The following CFI variants were observed in gnomAD, a reference collection of about 807,000 sequenced individuals.
The protein encoded by CFI is complement factor I.
Under a neutral mutation model 78.8 loss-of-function variants are expected in CFI, and 66 were observed. The ratio of observed to expected loss-of-function variants is 0.84; its 90% CI spans 0.69 to 1.03. The LOEUF (loss-of-function observed/expected upper bound fraction) is 1.03, where lower values mean the gene tolerates loss of function less well. CFI is among the 50% of genes least tolerant of loss of function. CFI has a pLI of 0.00. For missense variants in CFI, 706 were observed against 704.5 expected (o/e 1.00, Z -0.02); for synonymous variants, 250 against 232.6 (o/e 1.07, Z -0.68).
downstream of CFI, among the ~76,000 whole-genome samples, chr4:109,736,592 TG>T (rs1723380965): frequency 6.6e-6 from 1 of 152,020 alleles, no homozygotes; most frequent in African/African-American, 2.4e-5. Flanking sequence ...TTGGGTATGG[TG>T]GGGGGTCTAC....
Position 109,749,246 on chromosome 4 carries a change from A to G in CFI, c.1120T>C (p.Trp374Arg), listed in dbSNP as rs1724838563. Residue 374 changes from tryptophan to arginine, a missense_variant, in exon 10 of 13, where the codon TGG (tryptophan) becomes CGG (arginine). Transcript: ENST00000394634. ...TCGGIYIGGC[W>R]ILTAAHCLRA... The stretch of plus-strand genomic sequence containing the variant: ...AGACAATGTGCAGCAGTCAGAATCC[A>G]ACAGCCACCAATATAAATTCCCCCA... 1 of 1,614,192 alleles carries G rather than the reference A, an allele frequency of 6.2e-7. No individual in the cohort carries two copies. Among genetic ancestry groups the G allele is most frequent in the Admixed American group, 1.7e-5 (1 of 60,020 alleles).
intron 8 of CFI, among the ~76,000 whole-genome samples, chr4:109,751,197 A>G (rs1725088869): frequency 1.3e-5 from 2 of 152,150 alleles, no homozygotes; most frequent in Non-Finnish European, 2.9e-5. Context: ...GAACCTGCCC[A>G]CTGTGAAACA....
rs879255340 is a variant in CFI at position 109,766,802 on chromosome 4, T to G, written c.80A>C (p.Asp27Ala). Residue 27 changes from aspartate (D) to alanine (A), a missense_variant, in exon 2 of 13, where the codon GAT becomes GCT. Physicochemically the swap from Asp to Ala is moderately radical, Grantham distance 126 (BLOSUM62 -2). Coordinates refer to ENST00000394634, the MANE Select transcript of CFI (RefSeq NM_000204.5). ...TGCTAAGCACTTTTTCTCCACCAGATCCTCTTGAGATGTATAAGTGACCTG... is the reference window on the plus strand; with the variant it reads ...TGCTAAGCACTTTTTCTCCACCAGAGCCTCTTGAGATGTATAAGTGACCTG... The part of the protein sequence containing the change: ...FCKVTYTSQE[D>A]LVEKKCLAKK... The G allele has an allele frequency of 3.7e-6, 6 of 1,614,032 alleles. No individual in the cohort carries two copies. Among genetic ancestry groups the G allele is most frequent in the Non-Finnish European group, 4.2e-6 (5 of 1,180,034 alleles).
intron 1 of CFI, among the ~76,000 whole-genome samples, chr4:109,786,472 C>T (rs1456317617): frequency 1.3e-5 from 2 of 152,120 alleles, no homozygotes; most frequent in East Asian, 3.9e-4. Flanking sequence ...AAAACAACCT[C>T]CTTTTTCTAG....
At chr4:109,742,671 A>G (rs968329860) in intron 11 of CFI, 76 bp from the exon 12 acceptor site, 4 of 937,536 alleles carry the variant, frequency 4.3e-6, no homozygotes, top group Non-Finnish European at 7.0e-6. Context: ...AACTTAAACC[A>G]TTGGGATTAT....
intron 11 of CFI, among the ~76,000 whole-genome samples, chr4:109,744,821 T>C (rs760125479): frequency 6.6e-6 from 1 of 152,086 alleles, no homozygotes. Context: ...ACTGTGAAAA[T>C]TGGATGATGG....
downstream of CFI, among the ~76,000 whole-genome samples, chr4:109,737,649 G>A (rs1013244052): frequency 2.0e-5 from 3 of 152,206 alleles, no homozygotes; most frequent in East Asian, 1.9e-4. Flanking sequence ...CAAGCTGTAC[G>A]TGGAGACTGG....
the CFI span, among the ~76,000 whole-genome samples, chr4:109,735,565 A>T: frequency 6.6e-6 from 1 of 152,224 alleles, no homozygotes; most frequent in African/African-American, 2.4e-5. Context: ...TAATGGCCTC[A>T]GCAGTGTTGT....
At position 109,760,647 on chromosome 4, in the gene CFI, G is replaced by A. The variant is rs1274674751; in HGVS notation, c.659-11C>T. 6.9e-7 allele frequency: 1 copy of A among 1,458,650 alleles called. No individual in the cohort carries two copies. The highest frequency in any genetic ancestry group is 9.6e-7 in the Non-Finnish European group (1 of 1,038,486). 90.4% of individuals were successfully genotyped at this position (1,458,650 alleles called of 1,614,324 possible). The stretch of plus-strand genomic sequence containing the variant: ...CATCCATTGGAGAATCTGTAAAGCA[G>A]GAATTATCTTTGTGAAATTTATTTA... On this transcript the variant is annotated splice_polypyrimidine_tract_variant and intron_variant, in intron 4 of 12. Coordinates refer to ENST00000394634, the MANE Select transcript of CFI (RefSeq NM_000204.5).
At chr4:109,796,253 A>C (rs898463482) in intron 1 of CFI, among the ~76,000 whole-genome samples, 4 of 152,192 alleles carry the variant, frequency 2.6e-5, no homozygotes, top group African/African-American at 7.2e-5. Flanking sequence ...AAAAAACCCC[A>C]AAACCACTGC....
At chr4:109,796,858 A>G (rs1171868863) in intron 1 of CFI, among the ~76,000 whole-genome samples, 2 of 152,232 alleles carry the variant, frequency 1.3e-5, no homozygotes, top group African/African-American at 4.8e-5. Flanking sequence ...TTAGAAATAA[A>G]TTTAACCAAC....
At chr4:109,756,440 AAGGAGGAGGAGGAGGAAG>A (rs1561296940) in intron 7 of CFI, among the ~76,000 whole-genome samples, 1 of 150,806 alleles carries the variant, frequency 6.6e-6, no homozygotes, top group East Asian at 2.0e-4. Context: ...GAAGAGGAAG[AAGGAGGAGGAGGAGGAAG>A]AGGAGGAGGA....
chr4:109,756,581 T>G lies in CFI; in HGVS notation c.904+1182A>C, dbSNP rs375199731. ...CCAGTCCCTCAGGAATCCTAAGAAA[T>G]CCTGAGGAGGTGGCTCACGCCTGTA... is the stretch of plus-strand genomic sequence containing the variant. On this transcript the variant is annotated intron_variant, in intron 7 of 12. Transcript: ENST00000394634. Among the ~76,000 whole-genome samples, 14 of 151,546 alleles carry G rather than the reference T, an allele frequency of 9.2e-5. No homozygotes were observed. The East Asian group carries it at 2.4e-3, about 26-fold the overall frequency.
intron 1 of CFI, among the ~76,000 whole-genome samples, chr4:109,772,863 T>C (rs541194004): frequency 3.9e-5 from 6 of 152,172 alleles, no homozygotes; most frequent in Non-Finnish European, 1.5e-5. Context: ...GGATTACAGA[T>C]GTGTGCCACC....
intron 7 of CFI, among the ~76,000 whole-genome samples, chr4:109,753,411 TATA>T (rs1561293341): frequency 0.062 from 264 of 4,278 alleles, 35 homozygotes; most frequent in Non-Finnish European, 0.46. Flanking sequence ...ATATTTATTA[TATA>T]AATAAATATT....
At chr4:109,765,238 T>C (rs1298308652) in intron 2 of CFI, among the ~76,000 whole-genome samples, 1 of 152,200 alleles carries the variant, frequency 6.6e-6, no homozygotes, top group East Asian at 1.9e-4. Flanking sequence ...CCACAGTATC[T>C]CAACATCTTA....
chr4:109,776,583 C>T (rs1163870163), intron 1 of CFI, among the ~76,000 whole-genome samples: 1 of 152,222 alleles, frequency 6.6e-6, no homozygotes, highest in Admixed American at 6.5e-5. Flanking sequence ...CCCAACCTAG[C>T]AAGGCAGGCC....
At chr4:109,777,583 A>C (rs1274523148) in intron 1 of CFI, among the ~76,000 whole-genome samples, 1 of 152,134 alleles carries the variant, frequency 6.6e-6, no homozygotes. Context: ...TGAGACAGAA[A>C]GTTAACAAGG....
chr4:109,798,879 A>G (rs75828845), intron 1 of CFI, among the ~76,000 whole-genome samples: 2 of 128,016 alleles, frequency 1.6e-5, no homozygotes, highest in African/African-American at 7.9e-5. Context: ...CTTCAATGCA[A>G]GAGGAGGGAG....
Sources: allele counts gnomAD v4.1 joint callset (sites outside exome capture counted in the v4.1 genomes callset), GRCh38; gene constraint gnomAD v4.1.1; transcripts MANE v1.5; gene names NCBI Gene and HGNC (gene_info 2026-07-23, HGNC 2026-07-21).